ATP9B: variants seen among roughly 807,000 people sequenced by gnomAD.
ATP9B encodes probable phospholipid-transporting ATPase IIB.
Under a neutral mutation model 146.1 loss-of-function variants are expected in ATP9B, and 110 were observed. The observed-to-expected ratio is 0.75, with a 90% CI of 0.65 to 0.88. ATP9B has a LOEUF of 0.88. Ranked by LOEUF, ATP9B falls within the 40% of genes least tolerant of loss-of-function variation. The pLI is 0.00. For missense variants in ATP9B, 1,499 were observed against 1,496.4 expected (o/e 1.00, Z -0.03); for synonymous variants, 604 against 569.7 (o/e 1.06, Z -0.86).
intron 11 of ATP9B, among the ~76,000 whole-genome samples, chr18:79,236,766 CG>C: frequency 7.2e-6 from 1 of 139,572 alleles, no homozygotes; most frequent in Non-Finnish European, 1.6e-5. Context: ...GGTCCGTGCA[CG>C]AGTCAGTGTC....
intron 15 of ATP9B, among the ~76,000 whole-genome samples, chr18:79,312,047 C>T (rs2096655326): frequency 1.3e-5 from 2 of 152,178 alleles, no homozygotes; most frequent in South Asian, 2.1e-4. Flanking sequence ...GTGTGCCTGC[C>T]GCCTTCCCTC....
At chr18:79,200,686 G>C (rs1274351579) in intron 9 of ATP9B, among the ~76,000 whole-genome samples, 1 of 151,442 alleles carries the variant, frequency 6.6e-6, no homozygotes, top group East Asian at 1.9e-4. Context: ...TGAATATCTT[G>C]TGAGTAAATG....
At position 79,123,739 on chromosome 18, in the gene ATP9B, A is replaced by C. The variant is rs145998040; in HGVS notation, c.559-2528A>C. 2.0e-4 allele frequency among the ~76,000 whole-genome samples: 31 copies of C among 152,344 alleles called. 1 individual carries two copies. The East Asian group carries it at 6.0e-3, about 29-fold the overall frequency. ...AAAGATAGGTGCATAGATCAGTGTA[A>C]TTGAGAGTCCAGAAATAAACCTTTA... is the stretch of plus-strand genomic sequence containing the variant. On this transcript the variant is annotated intron_variant, in intron 4 of 29. Coordinates refer to ENST00000426216, the MANE Select transcript of ATP9B (RefSeq NM_198531.5).
At chr18:79,225,330 C>T (rs1178871841) in intron 11 of ATP9B, among the ~76,000 whole-genome samples, 1 of 152,140 alleles carries the variant, frequency 6.6e-6, no homozygotes, top group Non-Finnish European at 1.5e-5. Flanking sequence ...TTTTTCATTT[C>T]CTTTATGCAG....
chr18:79,359,789 G>C, intron 26 of ATP9B: 1 of 283,116 alleles, frequency 3.5e-6, no homozygotes, highest in South Asian at 4.0e-5. Context: ...TGTCAGAGAA[G>C]ATCTCACTGT....
intron 13 of ATP9B, among the ~76,000 whole-genome samples, chr18:79,287,791 T>C (rs377587231): frequency 2.0e-4 from 30 of 151,822 alleles, no homozygotes; most frequent in East Asian, 1.9e-4. Flanking sequence ...GCTTTGAATG[T>C]GTCCCAGAGA....
Position 79,163,703 on chromosome 18 carries a change from CCT to C in ATP9B, c.778+9149_778+9150del, listed in dbSNP as rs1288079352. On this transcript the variant is annotated intron_variant, in intron 7 of 29. Coordinates refer to ENST00000426216, the MANE Select transcript of ATP9B (RefSeq NM_198531.5). Reference sequence around the variant, plus strand: ...TTTATAATTCTTTTGACAAATAACCCCTAACGGTTTATTTAAATATATGTATG... The same window carrying C: ...TTTATAATTCTTTTGACAAATAACCCAACGGTTTATTTAAATATATGTATG... Among the ~76,000 whole-genome samples the C allele has an allele frequency of 6.6e-5, 10 of 151,818 alleles. No homozygotes were observed. In the East Asian group the frequency reaches 1.7e-3, roughly 26 times the overall value.
intron 1 of ATP9B, among the ~76,000 whole-genome samples, chr18:79,084,436 T>A (rs2058154695): frequency 2.0e-5 from 3 of 152,062 alleles, no homozygotes; most frequent in Admixed American, 2.0e-4. Context: ...TGGCACACAT[T>A]TCCCAAAATA....
intron 11 of ATP9B, among the ~76,000 whole-genome samples, chr18:79,221,200 G>C (rs568965563): frequency 2.6e-4 from 39 of 152,178 alleles, no homozygotes; most frequent in African/African-American, 9.4e-4. Context: ...GCTCCCTGTT[G>C]GTCTTCAGCC....
intron 19 of ATP9B, chr18:79,340,589 C>T (rs1318969788): frequency 6.6e-6 from 1 of 152,044 alleles, no homozygotes; most frequent in Non-Finnish European, 1.5e-5. Context: ...ATGCATATTT[C>T]AATATGATAC....
intron 8 of ATP9B, among the ~76,000 whole-genome samples, chr18:79,186,247 A>G (rs936875732): frequency 2.6e-5 from 4 of 152,184 alleles, no homozygotes; most frequent in African/African-American, 4.8e-5. Context: ...AATGAACCAC[A>G]TGTTATGATT....
chr18:79,330,232 C>T (rs1371808254), intron 17 of ATP9B, 128 bp downstream of exon 17: 2 of 824,158 alleles, frequency 2.4e-6, no homozygotes, highest in Non-Finnish European at 3.9e-6. Context: ...GATATCCTTT[C>T]CCCAGCTTGC....
chr18:79,348,855 G>C (rs1489191298), intron 25 of ATP9B, among the ~76,000 whole-genome samples: 2 of 152,220 alleles, frequency 1.3e-5, no homozygotes, highest in African/African-American at 4.8e-5. Flanking sequence ...GTGGTGGTGT[G>C]TGCCTGTAAT....
chr18:79,305,448 T>C (rs951832162), intron 14 of ATP9B, among the ~76,000 whole-genome samples: 2 of 152,144 alleles, frequency 1.3e-5, no homozygotes, highest in African/African-American at 4.8e-5. Flanking sequence ...AGCCAAACAC[T>C]TTATTATTTT....
chr18:79,335,553 C>A (rs1304083658), intron 17 of ATP9B, among the ~76,000 whole-genome samples: 1 of 152,230 alleles, frequency 6.6e-6, no homozygotes, highest in East Asian at 1.9e-4. Flanking sequence ...CTTTAACACG[C>A]ACATCAGGCC....
At chr18:79,276,244 C>T (rs1296970526) in intron 12 of ATP9B, among the ~76,000 whole-genome samples, 1 of 152,214 alleles carries the variant, frequency 6.6e-6, no homozygotes, top group African/African-American at 2.4e-5. Context: ...TGTAGGTTTC[C>T]AGGCCTACAG....
chr18:79,224,979 C>G (rs2095714987), intron 11 of ATP9B, among the ~76,000 whole-genome samples: 1 of 152,248 alleles, frequency 6.6e-6, no homozygotes, highest in South Asian at 2.1e-4. Flanking sequence ...AACACAAGCA[C>G]TGCTTCTTGT....
chr18:79,294,739 T>C (rs2096535419), intron 13 of ATP9B, among the ~76,000 whole-genome samples: 1 of 152,212 alleles, frequency 6.6e-6, no homozygotes, highest in Non-Finnish European at 1.5e-5. Flanking sequence ...CGGTTCTGTT[T>C]AAAGTGTCTT....
At chr18:79,114,509 A>C (rs1438585320) in intron 4 of ATP9B, among the ~76,000 whole-genome samples, 1 of 152,116 alleles carries the variant, frequency 6.6e-6, no homozygotes, top group Non-Finnish European at 1.5e-5. Flanking sequence ...GGTGGACTAA[A>C]TTCTTGTTTC....
Sources: allele counts gnomAD v4.1 joint callset (sites outside exome capture counted in the v4.1 genomes callset), GRCh38; gene constraint gnomAD v4.1.1; transcripts MANE v1.5; gene names NCBI Gene and HGNC (gene_info 2026-07-23, HGNC 2026-07-21).